DZIP1: variants seen among roughly 807,000 people sequenced by gnomAD.
DZIP1 encodes the protein DAZ interacting zinc finger protein 1.
In DZIP1, 97 loss-of-function variants were observed where a neutral mutation model predicts 107.6. The observed-to-expected ratio is 0.90, with a 90% CI of 0.77 to 1.07. The LOEUF is 1.07. Ranked by LOEUF, DZIP1 falls within the 50% of genes least tolerant of loss-of-function variation. DZIP1 has a pLI of 0.00. For synonymous variants in DZIP1, 390 were observed against 386.4 expected (o/e 1.01, Z -0.11); for missense variants, 1,035 against 1,063.6 (o/e 0.97, Z 0.37).
chr13:95,640,972 C>T (rs1594748874), intron 5 of DZIP1, among the ~76,000 whole-genome samples: 1 of 152,300 alleles, frequency 6.6e-6, no homozygotes, highest in African/African-American at 2.4e-5. Flanking sequence ...TGGGGACTGG[C>T]TTCAACAGCA....
intron 7 of DZIP1, 124 bp from the exon 8 acceptor site, chr13:95,625,053 T>C: frequency 1.2e-6 from 1 of 832,080 alleles, no homozygotes; most frequent in Non-Finnish European, 1.8e-6. Flanking sequence ...CAGTGAGGCT[T>C]GTAACAACAT....
chr13:95,639,614 G>A (rs1878247658), intron 5 of DZIP1, among the ~76,000 whole-genome samples: 1 of 148,678 alleles, frequency 6.7e-6, no homozygotes. Context: ...AAAAGAGAGA[G>A]AGAGAGAAAG....
chr13:95,624,161 C>T (rs982103623), intron 8 of DZIP1, among the ~76,000 whole-genome samples: 2 of 152,190 alleles, frequency 1.3e-5, no homozygotes, highest in African/African-American at 2.4e-5. Context: ...AGCTCCCTTC[C>T]TTTCTCCGTT....
chr13:95,581,956 T>C lies in DZIP1; in HGVS notation c.*278A>G, dbSNP rs1298472092. Reference sequence around the variant, plus strand: ...AAAATACACTTAACACTAGAGTACCTTTCTGAAGAAAAAACTTTTTATGAC... The same window carrying C: ...AAAATACACTTAACACTAGAGTACCCTTCTGAAGAAAAAACTTTTTATGAC... On this transcript the variant is annotated 3_prime_UTR_variant, in exon 23 of 23. Coordinates refer to ENST00000376829, the MANE Select transcript of DZIP1 (RefSeq NM_198968.4). 1 of 309,740 alleles carries C rather than the reference T, an allele frequency of 3.2e-6. No homozygotes were observed. Among genetic ancestry groups the C allele is most frequent in the East Asian group, 5.6e-5 (1 of 17,896 alleles). 19.2% of individuals were successfully genotyped at this position (309,740 alleles called of 1,614,324 possible). A position where few individuals can be genotyped will look rare whatever the true frequency, so the allele number is the denominator to read the frequency against.
At position 95,641,573 on chromosome 13, in the gene DZIP1, G is replaced by A. The variant is rs959755960; in HGVS notation, c.319C>T (p.Pro107Ser). Residue 107 changes from proline (P) to serine (S), a missense_variant, in exon 5 of 23, where the codon CCA (proline) becomes TCA (serine). Pro to Ser is a moderately conservative substitution (Grantham distance 74, BLOSUM62 -1). Transcript: ENST00000376829. The surrounding 1 kb of genome is among the most constrained non-coding windows in gnomAD (Gnocchi z 4.3). ...GGGTCCACCCCCGACTGGCAGTGTG[G>A]GCACTTCTCGTCTTCCAGCTTGCAG... ...TFCKLEDEKC[P>S]HCQSGVDPVL... 8 of 1,613,578 alleles carry A rather than the reference G, an allele frequency of 5.0e-6. No individual in the cohort carries two copies. Among genetic ancestry groups the A allele is most frequent in the Middle Eastern group, 1.6e-4 (1 of 6,084 alleles).
Position 95,587,718 on chromosome 13 carries a change from A to T in DZIP1, c.2039T>A (p.Phe680Tyr), listed in dbSNP as rs1300903502. 6 of 1,613,824 alleles carry T rather than the reference A, an allele frequency of 3.7e-6. No homozygotes were observed. Residue 680 changes from phenylalanine to tyrosine, a missense_variant, in exon 20 of 23, where the codon TTT becomes TAT. Coordinates refer to ENST00000376829, the MANE Select transcript of DZIP1 (RefSeq NM_198968.4). The part of the protein sequence containing the change: ...RKSSTITTPP[F>Y]SSEEEQEDDD... ...GTCCTCCTGCTCCTCCTCTGAACTA[A>T]AAGGAGGGGTCCTACACAAATCAAC...
At chr13:95,640,126 G>A (rs1878322934) in intron 5 of DZIP1, among the ~76,000 whole-genome samples, 1 of 151,956 alleles carries the variant, frequency 6.6e-6, no homozygotes, top group Non-Finnish European at 1.5e-5. Flanking sequence ...CCAAGTAGCT[G>A]GGACTACAGG....
intron 14 of DZIP1, among the ~76,000 whole-genome samples, chr13:95,602,677 G>C (rs2044650615): frequency 6.6e-6 from 1 of 152,242 alleles, no homozygotes; most frequent in African/African-American, 2.4e-5. Flanking sequence ...CAGGATGTAT[G>C]TCCAGGAGAT....
Position 95,582,054 on chromosome 13 carries a change from G to C in DZIP1, c.*180C>G. On this transcript the variant is annotated 3_prime_UTR_variant, in exon 23 of 23. Transcript: ENST00000376829. The stretch of plus-strand genomic sequence containing the variant: ...TTACATGCTTCGAAATACTGTTGAT[G>C]ATCTGATTTTCAATACTGTATTGGG... The C allele has an allele frequency of 1.8e-6, 1 of 568,584 alleles. No individual in the cohort carries two copies. Among genetic ancestry groups the C allele is most frequent in the Non-Finnish European group, 3.1e-6 (1 of 320,772 alleles). 35.2% of individuals were successfully genotyped at this position (568,584 alleles called of 1,614,324 possible).
chr13:95,611,221 T>C (rs2139116927), intron 12 of DZIP1, among the ~76,000 whole-genome samples: 1 of 152,312 alleles, frequency 6.6e-6, no homozygotes, highest in Non-Finnish European at 1.5e-5. Flanking sequence ...ATTAAAAAAA[T>C]GAAACAACTA....
At chr13:95,594,134 C>G in intron 15 of DZIP1, 48 bp from the exon 16 acceptor site, 1 of 1,461,226 alleles carries the variant, frequency 6.8e-7, no homozygotes, top group Non-Finnish European at 9.3e-7. Context: ...TAAGCAAATA[C>G]ATCAAAAATC....
intron 9 of DZIP1, among the ~76,000 whole-genome samples, chr13:95,620,432 C>A (rs1195630618): frequency 6.6e-6 from 1 of 152,160 alleles, no homozygotes; most frequent in Non-Finnish European, 1.5e-5. Flanking sequence ...ACTAATACAG[C>A]TGGTATTTTT....
At position 95,622,430 on chromosome 13, in the gene DZIP1, G is replaced by A. The variant is rs539726464; in HGVS notation, c.1023C>T (p.Gly341=). The change falls in exon 9 of 23, where the codon GGC becomes GGT. Residue 341 remains glycine, a synonymous_variant. Coordinates refer to ENST00000376829, the MANE Select transcript of DZIP1 (RefSeq NM_198968.4). ...TAAACTCGTGTGCATCTTTTAATGT[G>A]CCTATGTTGGACTTGATCTGCATAT... ...KSNMQIKSNI[G]TLKDAHEFKE... is the part of the protein sequence containing the mutation. 3 of 1,614,204 alleles carry A rather than the reference G, an allele frequency of 1.9e-6. No individual in the cohort carries two copies. Among genetic ancestry groups the A allele is most frequent in the Admixed American group, 1.7e-5 (1 of 60,024 alleles).
chr13:95,605,513 G>T (rs1159381062), intron 14 of DZIP1, among the ~76,000 whole-genome samples: 2 of 152,186 alleles, frequency 1.3e-5, no homozygotes, highest in Admixed American at 1.3e-4. Context: ...TCACCCAGTG[G>T]TTCCTACCTA....
At chr13:95,615,927 C>G (rs1175865027) in intron 10 of DZIP1, among the ~76,000 whole-genome samples, 11 of 152,146 alleles carry the variant, frequency 7.2e-5, no homozygotes, top group Admixed American at 7.2e-4. Flanking sequence ...CTAAATGTTC[C>G]CATGAAACCA....
At chr13:95,625,042 T>G in intron 7 of DZIP1, 113 bp from the exon 8 acceptor site, 1 of 918,316 alleles carries the variant, frequency 1.1e-6, no homozygotes, top group Non-Finnish European at 1.6e-6. Flanking sequence ...ATTGCTTATT[T>G]CAGTGAGGCT....
chr13:95,606,865 G>T lies in DZIP1; in HGVS notation c.1421-806C>A, dbSNP rs574751374. Among the ~76,000 whole-genome samples, 3 of 152,198 alleles carry T rather than the reference G, an allele frequency of 2.0e-5. No homozygotes were observed. The South Asian group carries it at 6.2e-4, about 32-fold the overall frequency. ...ATTTCTACAGAAAATTAGATTCCAC[G>T]GCCTTCTTCCAATATTTGACAATTC... On this transcript the variant is annotated intron_variant, in intron 13 of 22. Transcript: ENST00000376829.
In DZIP1 at chr13:95,587,694, T is replaced by C; in HGVS notation, c.2063A>G (p.Asp688Gly). 6.2e-7 allele frequency: 1 copy of C among 1,613,966 alleles called. No homozygotes were observed. Among genetic ancestry groups the C allele is most frequent in the Non-Finnish European group, 8.5e-7 (1 of 1,179,972 alleles). Residue 688 changes from aspartate (D) to glycine (G), a missense_variant, in exon 20 of 23, where the codon GAC becomes GGC. By Grantham distance (94) the Asp-to-Gly change is moderately conservative. Transcript: ENST00000376829. ...PPFSSEEEQEDDDLIRAYASP... is the reference protein window; with the variant it reads ...PPFSSEEEQEGDDLIRAYASP... ...TGCGTATGCCCGGATGAGGTCGTCG[T>C]CCTCCTGCTCCTCCTCTGAACTAAA...
At chr13:95,643,892 T>C (rs1393615608) in intron 1 of DZIP1, among the ~76,000 whole-genome samples, 194 bp from the exon 2 acceptor site, 1 of 152,174 alleles carries the variant, frequency 6.6e-6, no homozygotes, top group African/African-American at 2.4e-5. Context: ...GAGCTGAACG[T>C]GGGGGTGGCC....
Sources: gnomAD v4.1 joint callset for allele counts (sites outside exome capture counted in the v4.1 genomes callset) on GRCh38, gnomAD v4.1.1 for gene constraint, Gnocchi (gnomAD v3.1) non-coding constraint, MANE v1.5 for transcripts, NCBI Gene and HGNC (gene_info 2026-07-23, HGNC 2026-07-21) for gene names.